EPS8: variants seen among roughly 807,000 people sequenced by gnomAD.
The protein encoded by EPS8 is EGFR pathway substrate 8, signaling adaptor.
In EPS8, 42 loss-of-function variants were observed where a neutral mutation model predicts 103.8. The ratio of observed to expected loss-of-function variants is 0.40; its 90% CI spans 0.32 to 0.52. EPS8 has a LOEUF of 0.52. Ranked by LOEUF, EPS8 falls within the 20% of genes least tolerant of loss-of-function variation. The probability of loss-of-function intolerance (pLI) is 0.40; values close to 1 mark genes in which losing one functional copy is unlikely to be tolerated. For missense variants in EPS8, 969 were observed against 1,005.1 expected (o/e 0.96, Z 0.49); for synonymous variants, 344 against 344.6 (o/e 1.00, Z 0.02).
intron 9 of EPS8, among the ~76,000 whole-genome samples, chr12:15,661,038 T>C (rs1378551778): frequency 6.6e-6 from 1 of 152,204 alleles, no homozygotes; most frequent in Non-Finnish European, 1.5e-5. Flanking sequence ...CCCACACAGT[T>C]AGGAGGAAAA....
chr12:15,664,384 C>A (rs1445252797), intron 8 of EPS8, among the ~76,000 whole-genome samples: 1 of 151,732 alleles, frequency 6.6e-6, no homozygotes, highest in Non-Finnish European at 1.5e-5. Flanking sequence ...ATACAAGAAA[C>A]CTAAACAAAA....
intron 2 of EPS8, among the ~76,000 whole-genome samples, 156 bp downstream of exon 2, chr12:15,682,737 T>G (rs1195857816): frequency 6.6e-6 from 1 of 152,192 alleles, no homozygotes; most frequent in Non-Finnish European, 1.5e-5. Context: ...AGTAAACTTT[T>G]AATAACATGT....
Position 15,650,825 on chromosome 12 carries a change from CTG to C in EPS8, c.1430_1431del (p.Thr477ArgfsTer18), listed in dbSNP as rs1271511714. The C allele has an allele frequency of 6.2e-7, 1 of 1,612,884 alleles. No homozygotes were observed. Among genetic ancestry groups the C allele is most frequent in the East Asian group, 2.2e-5 (1 of 44,888 alleles). On this transcript the variant is annotated frameshift_variant, in exon 14 of 21. Transcript: ENST00000281172. LOFTEE classifies it high-confidence loss of function. Reference protein sequence around the residue: ...QRKQEIKRLSTEHSSVSEYHP... With the variant: ...QRKQEIKRLSXEHSSVSEYHP... ...GGCAATGTTAAAAAAAAAACTACCT[CTG>C]TGGATAATCTTTTTATTTCCTGTTT... is the stretch of plus-strand genomic sequence containing the variant.
intron 1 of EPS8, among the ~76,000 whole-genome samples, chr12:15,782,917 G>A (rs111600264): frequency 9.0e-4 from 137 of 152,178 alleles, no homozygotes; most frequent in Non-Finnish European, 7.9e-4. Flanking sequence ...TCATCTCTCC[G>A]GTAAATTGTG....
At chr12:15,664,101 A>AC (rs1397430547) in intron 8 of EPS8, among the ~76,000 whole-genome samples, 1 of 149,952 alleles carries the variant, frequency 6.7e-6, no homozygotes, top group African/African-American at 2.4e-5. Context: ...TCCTTCCTCT[A>AC]CTTCAGACCC....
intron 1 of EPS8, among the ~76,000 whole-genome samples, chr12:15,685,500 C>T (rs1173060172): frequency 6.6e-6 from 1 of 152,178 alleles, no homozygotes; most frequent in African/African-American, 2.4e-5. Flanking sequence ...ATAGCCACAG[C>T]ATCTCATCTT....
chr12:15,662,988 A>G (rs2135822318), intron 8 of EPS8, among the ~76,000 whole-genome samples: 1 of 111,594 alleles, frequency 9.0e-6, no homozygotes, highest in African/African-American at 3.6e-5. Flanking sequence ...TGTAACTGGA[A>G]CACTTGCCAA....
In EPS8 at chr12:15,779,339, A is replaced by G. The variant is rs995139797; in HGVS notation, c.-22+9822T>C. 6.6e-6 allele frequency among the ~76,000 whole-genome samples: 1 copy of G among 152,246 alleles called. No homozygotes were observed. The highest frequency in any genetic ancestry group is 1.5e-5 in the Non-Finnish European group (1 of 68,040). ...AGTATCTTCTATCTCTATCATCAAA[A>G]GTATATCTTTCTTTAAATTCTAAAA... On this transcript the variant is annotated intron_variant, in intron 1 of 20. Coordinates refer to ENST00000281172, the MANE Select transcript of EPS8 (RefSeq NM_004447.6). The surrounding 1 kb of genome is among the most constrained non-coding windows in gnomAD (Gnocchi z 4.3).
chr12:15,670,444 A>G (rs568053055), intron 4 of EPS8, among the ~76,000 whole-genome samples: 193 of 152,308 alleles, frequency 1.3e-3, no homozygotes, highest in Non-Finnish European at 2.1e-3. Flanking sequence ...ATTCCAATCA[A>G]GAGCAAATAT....
chr12:15,645,686 T>C (rs1402322935), intron 15 of EPS8, among the ~76,000 whole-genome samples: 4 of 152,126 alleles, frequency 2.6e-5, no homozygotes, highest in African/African-American at 7.2e-5. Flanking sequence ...CTATCCCTTA[T>C]AGATATGCAG....
intron 1 of EPS8, among the ~76,000 whole-genome samples, chr12:15,732,096 C>T (rs1946723103): frequency 6.6e-6 from 1 of 152,138 alleles, no homozygotes. Flanking sequence ...CCCAGTAATG[C>T]AGCTCATTAG....
At chr12:15,742,529 C>T (rs1360673006) in intron 1 of EPS8, among the ~76,000 whole-genome samples, 4 of 152,052 alleles carry the variant, frequency 2.6e-5, no homozygotes, top group Admixed American at 6.5e-5. Context: ...ATTAGCAAAC[C>T]GAATCCAGCA....
At chr12:15,711,560 A>G (rs933409916) in intron 1 of EPS8, among the ~76,000 whole-genome samples, 1 of 152,168 alleles carries the variant, frequency 6.6e-6, no homozygotes, top group Non-Finnish European at 1.5e-5. Context: ...ATACCATTCC[A>G]AGAACATATA....
chr12:15,773,735 T>A (rs1163513125), intron 1 of EPS8, among the ~76,000 whole-genome samples: 1 of 152,122 alleles, frequency 6.6e-6, no homozygotes, highest in Non-Finnish European at 1.5e-5. Flanking sequence ...GCATATGACA[T>A]GAATCAAATG....
Position 15,761,593 on chromosome 12 carries a change from A to C in EPS8, c.-22+27568T>G, listed in dbSNP as rs1947042185. Reference sequence around the variant, plus strand: ...AACTGGAATAAAAACAGACACATAGACCAATAGAAAAGAATAGAGAACCCA... The same window carrying C: ...AACTGGAATAAAAACAGACACATAGCCCAATAGAAAAGAATAGAGAACCCA... On this transcript the variant is annotated intron_variant, in intron 1 of 20. Coordinates refer to ENST00000281172, the MANE Select transcript of EPS8 (RefSeq NM_004447.6). This position sits in a 1 kb window ranked among gnomAD's most constrained non-coding sequence, Gnocchi z 4.5. Among the ~76,000 whole-genome samples, 1 of 152,146 alleles carries C rather than the reference A, an allele frequency of 6.6e-6. No individual in the cohort carries two copies. The highest frequency in any genetic ancestry group is 2.1e-4 in the South Asian group (1 of 4,834).
intron 1 of EPS8, among the ~76,000 whole-genome samples, chr12:15,723,560 A>G (rs956272841): frequency 2.0e-5 from 3 of 152,166 alleles, no homozygotes; most frequent in Non-Finnish European, 2.9e-5. Context: ...ATATACATAC[A>G]TCTTGGATTT....
rs751647939 is a variant in EPS8, at chr12:15,624,229, A to G, written c.2223T>C (p.Pro741=). 5 of 1,612,412 alleles carry G rather than the reference A, an allele frequency of 3.1e-6. No individual in the cohort carries two copies. In the African/African-American group the frequency reaches 5.3e-5, roughly 17 times the overall value. Residue 741 remains proline (P), a splice_region_variant and synonymous_variant, in exon 19 of 21, where the codon CCT becomes CCC. Transcript: ENST00000281172. ...KTWLQSKGFN[P]VTVNSLGVLN... is the part of the protein sequence containing the mutation. ...AAAGTATTCACAGAGAGACTCACAC[A>G]GGGTTGAATCCCTTTGACTGTAACC...
chr12:15,753,067 A>G (rs1946950114), intron 1 of EPS8, among the ~76,000 whole-genome samples: 1 of 151,676 alleles, frequency 6.6e-6, no homozygotes, highest in Non-Finnish European at 1.5e-5. Context: ...TTGAGCTGCA[A>G]ATCCAGGGCT....
rs774300143 is a variant in EPS8, at chr12:15,662,053, C to A, written c.783G>T (p.Met261Ile). The A allele has an allele frequency of 5.6e-6, 9 of 1,613,976 alleles. No homozygotes were observed. Among genetic ancestry groups the A allele is most frequent in the Non-Finnish European group, 7.6e-6 (9 of 1,179,824 alleles). ...QYHEQEETPE[M>I]MAARIDRDVQ... The stretch of plus-strand genomic sequence containing the variant: ...CATCTCTGTCAATGCGGGCTGCCAT[C>A]ATCTCAGGTGTTTCTTCCTGCTCAT... The change falls in exon 9 of 21, where the codon ATG (methionine) becomes ATT (isoleucine). Residue 261 changes from methionine to isoleucine, a missense_variant. By Grantham distance (10) the Met-to-Ile change is conservative. Transcript: ENST00000281172.
Sources: gnomAD v4.1 joint callset for allele counts (sites outside exome capture counted in the v4.1 genomes callset) on GRCh38, gnomAD v4.1.1 for gene constraint, Gnocchi (gnomAD v3.1) non-coding constraint, MANE v1.5 for transcripts, NCBI Gene and HGNC (gene_info 2026-07-23, HGNC 2026-07-21) for gene names.